The following THSD7B variants were observed in gnomAD, a reference collection of about 807,000 sequenced individuals.
The protein encoded by THSD7B is thrombospondin type 1 domain containing 7B, also known as thrombospondin type-1 domain-containing protein 7B.
A neutral mutation model predicts 213.6 loss-of-function variants in THSD7B; 138 were observed. The ratio of observed to expected loss-of-function variants is 0.65; its 90% confidence interval spans 0.56 to 0.74. The LOEUF (loss-of-function observed/expected upper bound fraction) is 0.74, where lower values mean the gene tolerates loss of function less well. THSD7B is among the 30% of genes least tolerant of loss of function. THSD7B has a pLI of 0.00. For missense variants in THSD7B, 1,931 were observed against 1,991.5 expected, an observed-to-expected ratio of 0.97 and a Z score of 0.58; for synonymous variants, 742 against 687.0, an observed-to-expected ratio of 1.08 and a Z score of -1.25.
chr2:137,511,814 G>A (rs1195724443), intron 15 of THSD7B, among the ~76,000 whole-genome samples: 1 of 152,120 alleles, frequency 6.6e-6, no homozygotes, highest in African/African-American at 2.4e-5. Flanking sequence ...GTAAACTGAG[G>A]ATGTATGGAG....
chr2:137,310,617 C>T (rs1321800292), intron 12 of THSD7B, among the ~76,000 whole-genome samples: 1 of 151,950 alleles, frequency 6.6e-6, no homozygotes, highest in East Asian at 1.9e-4. Context: ...AGGTTTTCTT[C>T]TAGGGTTTTT....
intron 1 of THSD7B, among the ~76,000 whole-genome samples, chr2:136,777,765 A>T (rs538925504): frequency 2.8e-4 from 42 of 152,314 alleles, no homozygotes; most frequent in Non-Finnish European, 3.4e-4. Flanking sequence ...TTAAAATTGG[A>T]ATTTTAGGTT....
intron 2 of THSD7B, among the ~76,000 whole-genome samples, chr2:136,981,019 G>C (rs995044241): frequency 4.6e-5 from 7 of 152,048 alleles, no homozygotes; most frequent in African/African-American, 1.4e-4. Context: ...TGTATTCATT[G>C]TTCTCGGTGG....
intron 1 of THSD7B, among the ~76,000 whole-genome samples, chr2:136,880,574 C>G (rs1683602174): frequency 6.6e-6 from 1 of 151,978 alleles, no homozygotes; most frequent in Non-Finnish European, 1.5e-5. Context: ...TCAAATGTGC[C>G]CCTCTTCCTG....
chr2:137,298,097 G>A (rs932598356), intron 12 of THSD7B, among the ~76,000 whole-genome samples: 2 of 152,124 alleles, frequency 1.3e-5, no homozygotes, highest in African/African-American at 4.8e-5. Flanking sequence ...CTTGCTGAAT[G>A]GCCTTGACAA....
chr2:137,649,046 C>T (rs1332754027), intron 21 of THSD7B, among the ~76,000 whole-genome samples: 1 of 151,958 alleles, frequency 6.6e-6, no homozygotes, highest in Non-Finnish European at 1.5e-5. Context: ...TTTCATATGG[C>T]AGTTGGCTAT....
chr2:137,630,620 A>G (rs745797623), intron 20 of THSD7B, among the ~76,000 whole-genome samples: 1 of 152,224 alleles, frequency 6.6e-6, no homozygotes, highest in African/African-American at 2.4e-5. Flanking sequence ...AGAAGCAGGA[A>G]TGTATGGTAT....
intron 15 of THSD7B, among the ~76,000 whole-genome samples, chr2:137,523,584 G>T (rs924661303): frequency 4.6e-5 from 7 of 152,130 alleles, no homozygotes; most frequent in African/African-American, 1.7e-4. Flanking sequence ...AGACACAATT[G>T]GTTGCATACT....
chr2:137,220,648 T>C (rs1287341213), intron 7 of THSD7B, among the ~76,000 whole-genome samples: 1 of 152,088 alleles, frequency 6.6e-6, no homozygotes, highest in Admixed American at 6.6e-5. Context: ...CAGTGTCTTA[T>C]AACATCTACA....
At chr2:136,803,952 G>A (rs76072878) in intron 1 of THSD7B, among the ~76,000 whole-genome samples, 4,517 of 152,294 alleles carry the variant, frequency 0.03, 156 homozygotes, top group East Asian at 0.17. Context: ...GAGGCCCAGT[G>A]ACAATGGTGA....
At chr2:137,521,320 G>C (rs1680179562) in intron 15 of THSD7B, among the ~76,000 whole-genome samples, 1 of 152,142 alleles carries the variant, frequency 6.6e-6, no homozygotes, top group African/African-American at 2.4e-5. Flanking sequence ...GTCAGCCTTT[G>C]TAGTGGGGAG....
At chr2:136,849,186 A>G (rs1331629506) in intron 1 of THSD7B, among the ~76,000 whole-genome samples, 1 of 152,090 alleles carries the variant, frequency 6.6e-6, no homozygotes, top group African/African-American at 2.4e-5. Context: ...GCTTACATCA[A>G]TGTTGTTTGA....
chr2:136,954,543 C>T lies in THSD7B; in HGVS notation c.139+72226C>T, dbSNP rs564017244. On this transcript the variant is annotated intron_variant, in intron 2 of 27. Coordinates refer to ENST00000409968, the MANE Select transcript of THSD7B (RefSeq NM_001316349.2). ...CATCCTGGCTAACAGGGTGAAACCC[C>T]GTCTCTACTAAAAATACAAAAAATT... Among the ~76,000 whole-genome samples the T allele has an allele frequency of 2.9e-4, 44 of 151,958 alleles. No individual in the cohort carries two copies. The East Asian group carries it at 8.2e-3, about 28-fold the overall frequency.
At chr2:137,478,613 G>A (rs2105102285) in intron 15 of THSD7B, among the ~76,000 whole-genome samples, 1 of 152,004 alleles carries the variant, frequency 6.6e-6, no homozygotes, top group South Asian at 2.1e-4. Context: ...ATTTCTTGGA[G>A]GTGTCATGTT....
intron 12 of THSD7B, among the ~76,000 whole-genome samples, chr2:137,364,498 A>G (rs1423358067): frequency 6.6e-6 from 1 of 152,210 alleles, no homozygotes; most frequent in African/African-American, 2.4e-5. Context: ...AGAAAACCCC[A>G]TCATCTCAGC....
In THSD7B at chr2:136,807,509, G is replaced by GTTTTTTTTTTTTTTTTTTTTT. The variant is rs777353589; in HGVS notation, c.-36+41838_-36+41839insTTTTTTTTTTTTTTTTTTTTT. ...ACTTCCTAGCACTACAAAATGTTTC[G>GTTTTTTTTTTTTTTTTTTTTT]TTTTTTTTTTTTTTTTGAGACGGAG... On this transcript the variant is annotated intron_variant, in intron 1 of 27. Transcript: ENST00000409968. Among the ~76,000 whole-genome samples the GTTTTTTTTTTTTTTTTTTTTT allele has an allele frequency of 5.7e-5, 6 of 104,896 alleles. 2 individuals carry two copies. Among genetic ancestry groups the GTTTTTTTTTTTTTTTTTTTTT allele is most frequent in the African/African-American group, 1.1e-4 (3 of 27,040 alleles). The allele number at this position is 104,896 out of a possible 152,430, so 68.8% of individuals were successfully genotyped here.
At chr2:136,871,849 C>T (rs1446534762) in intron 1 of THSD7B, among the ~76,000 whole-genome samples, 1 of 152,150 alleles carries the variant, frequency 6.6e-6, no homozygotes, top group Admixed American at 6.5e-5. Context: ...TACAGAACTT[C>T]CTTCTATGCA....
chr2:136,821,532 G>A (rs1682563547), intron 1 of THSD7B, among the ~76,000 whole-genome samples: 1 of 152,176 alleles, frequency 6.6e-6, no homozygotes, highest in Non-Finnish European at 1.5e-5. Context: ...ACAGGGCATG[G>A]TAGTGGCTGA....
At position 137,659,610 on chromosome 2, in the gene THSD7B, A is replaced by T. The variant is rs1162435805; in HGVS notation, c.4376-54A>T. ...ACAGGTTAAAAAAAAATACCAAAAAATTAGAAATATCTAATAGAGAAATCT... is the reference window on the plus strand; with the variant it reads ...ACAGGTTAAAAAAAAATACCAAAAATTTAGAAATATCTAATAGAGAAATCT... On this transcript the variant is annotated intron_variant, in intron 24 of 27. Coordinates refer to ENST00000409968, the MANE Select transcript of THSD7B (RefSeq NM_001316349.2). The T allele has an allele frequency of 3.3e-6, 5 of 1,501,822 alleles. No individual in the cohort carries two copies. In the African/African-American group the frequency reaches 7.1e-5, roughly 21 times the overall value. 93.0% of individuals were successfully genotyped at this position (1,501,822 alleles called of 1,614,324 possible). A position where few individuals can be genotyped will look rare whatever the true frequency, so the allele number is the denominator to read the frequency against.
Sources: gnomAD v4.1 joint callset for allele counts (sites outside exome capture counted in the v4.1 genomes callset) on GRCh38, gnomAD v4.1.1 for gene constraint, MANE v1.5 for transcripts, NCBI Gene and HGNC (gene_info 2026-07-23, HGNC 2026-07-21) for gene names.